The following KIAA2012 variants were observed in gnomAD, a reference collection of about 807,000 sequenced individuals.
The protein encoded by KIAA2012 is uncharacterized protein KIAA2012.
Under a neutral mutation model 150.6 loss-of-function variants are expected in KIAA2012, and 125 were observed. The observed-to-expected ratio is 0.83, with a 90% CI of 0.72 to 0.96. The LOEUF is 0.96. KIAA2012 is among the 40% of genes least tolerant of loss of function. KIAA2012 has a pLI of 0.00. For synonymous variants in KIAA2012, 462 were observed against 504.7 expected (o/e 0.92, Z 1.13); for missense variants, 1,219 against 1,354.9 (o/e 0.90, Z 1.57).
intron 9 of KIAA2012, among the ~76,000 whole-genome samples, chr2:202,107,403 T>C (rs182590081): frequency 4.8e-4 from 73 of 152,272 alleles, no homozygotes; most frequent in African/African-American, 1.7e-3. Flanking sequence ...ATGTTTCCTT[T>C]TTCAAAAAAT....
At chr2:202,098,043 G>A (rs1689939422) in intron 5 of KIAA2012, among the ~76,000 whole-genome samples, 1 of 152,164 alleles carries the variant, frequency 6.6e-6, no homozygotes, top group Non-Finnish European at 1.5e-5. Context: ...CTATAGAACT[G>A]TAGCATTGCA....
At chr2:202,158,275 T>C (rs12988869) in intron 14 of KIAA2012, among the ~76,000 whole-genome samples, 19,230 of 151,732 alleles carry the variant, frequency 0.13, 1,612 homozygotes, top group Non-Finnish European at 0.17. Flanking sequence ...ATTACAGGCG[T>C]GAGCCACCGT....
At chr2:202,155,019 G>A (rs566505246) in intron 14 of KIAA2012, among the ~76,000 whole-genome samples, 3 of 152,270 alleles carry the variant, frequency 2.0e-5, no homozygotes, top group South Asian at 2.1e-4. Flanking sequence ...CAAATCAGTC[G>A]GGTGTCTGGT....
intron 15 of KIAA2012, chr2:202,179,192 T>C: frequency 1.7e-6 from 1 of 587,618 alleles, no homozygotes; most frequent in South Asian, 1.5e-5. Context: ...AGCATCTGTG[T>C]CTATCTGATT....
At chr2:202,103,147 A>G (rs1277468725) in intron 8 of KIAA2012, 33 bp downstream of exon 8, 2 of 1,544,610 alleles carry the variant, frequency 1.3e-6, no homozygotes, top group Non-Finnish European at 1.7e-6. Flanking sequence ...CTCCTGAGGG[A>G]GAGCCTGGGA....
chr2:202,113,424 C>T lies in KIAA2012; in HGVS notation c.1740C>T (p.Thr580=), dbSNP rs1326874172. The change falls in exon 11 of 24, where the codon ACC becomes ACT. Residue 580 remains threonine (T), a synonymous_variant. Coordinates refer to ENST00000498697, the MANE Select transcript of KIAA2012 (RefSeq NM_001277372.4). The part of the protein sequence containing the change: ...VCLSLPGHTQ[T]EALPSGKAYE... Reference sequence around the variant, plus strand: ...TGTCCCTCCCAGGGCATACCCAAACCGAGGCGCTTCCATCGGGTAAAGGTA... The same window carrying T: ...TGTCCCTCCCAGGGCATACCCAAACTGAGGCGCTTCCATCGGGTAAAGGTA... The T allele has an allele frequency of 1.1e-5, 17 of 1,550,058 alleles. No homozygotes were observed. The highest frequency in any genetic ancestry group is 7.3e-5 in the East Asian group (3 of 40,918).
intron 15 of KIAA2012, chr2:202,179,583 C>T (rs1692074025): frequency 4.5e-6 from 3 of 668,260 alleles, no homozygotes; most frequent in East Asian, 6.5e-5. Context: ...CTCAACAATA[C>T]TATCTTGTGT....
At chr2:202,116,168 GTT>G (rs1690516738) in intron 11 of KIAA2012, 1 of 152,196 alleles carries the variant, frequency 6.6e-6, no homozygotes, top group African/African-American at 2.4e-5. Context: ...TTACAAAGAA[GTT>G]CAAGGATGTT....
At chr2:202,085,926 T>C (rs534473942) in intron 2 of KIAA2012, among the ~76,000 whole-genome samples, 1 of 151,942 alleles carries the variant, frequency 6.6e-6, no homozygotes, top group Admixed American at 6.5e-5. Flanking sequence ...TCCCAGCACT[T>C]TGGGAGGCCG....
chr2:202,075,024 T>A lies in KIAA2012; in HGVS notation c.218T>A (p.Leu73Gln). 1.3e-6 allele frequency: 2 copies of A among 1,550,646 alleles called. No individual in the cohort carries two copies. The highest frequency in any genetic ancestry group is 1.7e-6 in the Non-Finnish European group (2 of 1,147,014). Residue 73 changes from leucine (L) to glutamine (Q), a missense_variant, in exon 2 of 24, where the codon CTG becomes CAG. Transcript: ENST00000498697. Reference sequence around the variant, plus strand: ...AGTACTAGAAAGGGTGCCCTGATCCTGTACTCAGAAGGTTTTGCCATTTCG... The same window carrying A: ...AGTACTAGAAAGGGTGCCCTGATCCAGTACTCAGAAGGTTTTGCCATTTCG... Reference protein sequence around the residue: ...TFSTRKGALILYSEGFAISAW... With the variant: ...TFSTRKGALIQYSEGFAISAW...
intron 1 of KIAA2012, among the ~76,000 whole-genome samples, chr2:202,073,991 A>G (rs1021565425): frequency 6.6e-6 from 1 of 151,842 alleles, no homozygotes; most frequent in African/African-American, 2.4e-5. Context: ...GGTTTGGTGC[A>G]AGACCAGAAT....
chr2:202,100,517 C>G, intron 7 of KIAA2012, 68 bp downstream of exon 7: 1 of 1,464,272 alleles, frequency 6.8e-7, no homozygotes, highest in Non-Finnish European at 9.1e-7. Context: ...AAGTTTAATC[C>G]TAATCTAGAA....
At chr2:202,128,572 A>T (rs187427157) in intron 12 of KIAA2012, among the ~76,000 whole-genome samples, 1 of 152,002 alleles carries the variant, frequency 6.6e-6, no homozygotes, top group Non-Finnish European at 1.5e-5. Context: ...ACACTCAGTC[A>T]CTAGACTGCA....
At position 202,104,348 on chromosome 2, in the gene KIAA2012, G is replaced by A. The variant is rs922953056; in HGVS notation, c.1324+1234G>A. On this transcript the variant is annotated intron_variant, in intron 8 of 23. Coordinates refer to ENST00000498697, the MANE Select transcript of KIAA2012 (RefSeq NM_001277372.4). The surrounding 1 kb of genome is among the most constrained non-coding windows in gnomAD (Gnocchi z 4.3). ...TTAAAATGCAGGTCATCTTATTCAGGTGTGGTGAGGCCAACAGATCAGGAG... is the reference window on the plus strand; with the variant it reads ...TTAAAATGCAGGTCATCTTATTCAGATGTGGTGAGGCCAACAGATCAGGAG... Among the ~76,000 whole-genome samples the A allele has an allele frequency of 6.6e-6, 1 of 152,148 alleles. No individual in the cohort carries two copies. Among genetic ancestry groups the A allele is most frequent in the African/African-American group, 2.4e-5 (1 of 41,432 alleles).
chr2:202,107,238 A>T (rs563481818), intron 9 of KIAA2012, among the ~76,000 whole-genome samples: 2 of 59,312 alleles, frequency 3.4e-5, no homozygotes, highest in East Asian at 5.2e-4. Flanking sequence ...AATACCAAAA[A>T]AAAAATAAAA....
At chr2:202,096,994 G>C (rs1689902060) in intron 4 of KIAA2012, among the ~76,000 whole-genome samples, 1 of 152,160 alleles carries the variant, frequency 6.6e-6, no homozygotes, top group Non-Finnish European at 1.5e-5. Context: ...GGAATCCCAA[G>C]AGCTTGCTTC....
At chr2:202,111,084 G>A (rs1575017275) in intron 10 of KIAA2012, among the ~76,000 whole-genome samples, 3 of 152,262 alleles carry the variant, frequency 2.0e-5, no homozygotes, top group East Asian at 3.9e-4. Context: ...CAAACTTGGT[G>A]TACTGTTATG....
At chr2:202,136,531 C>T (rs1012757764) in intron 12 of KIAA2012, 41 of 152,678 alleles carry the variant, frequency 2.7e-4, no homozygotes, top group African/African-American at 9.4e-4. Context: ...GTAGGCTTCA[C>T]CTCTCAATAG....
intron 11 of KIAA2012, among the ~76,000 whole-genome samples, chr2:202,117,609 CTT>C (rs1476646590): frequency 6.6e-6 from 1 of 152,220 alleles, no homozygotes; most frequent in Non-Finnish European, 1.5e-5. Flanking sequence ...AGGCAAATAA[CTT>C]CATTGCCTTG....
Sources: allele counts gnomAD v4.1 joint callset (sites outside exome capture counted in the v4.1 genomes callset), GRCh38; gene constraint gnomAD v4.1.1; non-coding constraint Gnocchi (gnomAD v3.1); transcripts MANE v1.5; gene names NCBI Gene and HGNC (gene_info 2026-07-23, HGNC 2026-07-21).